CENPU: variants seen among roughly 807,000 people sequenced by gnomAD.
The protein encoded by CENPU is centromere protein U.
Under a neutral mutation model 56.7 loss-of-function variants are expected in CENPU, and 46 were observed. That is an observed-to-expected ratio of 0.81 (90% CI 0.64 to 1.04). The LOEUF (loss-of-function observed/expected upper bound fraction) is 1.04, where lower values mean the gene tolerates loss of function less well. Among genes scored for constraint, CENPU ranks in the 50% least tolerant of loss-of-function variants. CENPU has a pLI of 0.00. For missense variants in CENPU, 510 were observed against 490.1 expected (o/e 1.04, Z -0.38); for synonymous variants, 166 against 163.0 (o/e 1.02, Z -0.14).
Position 184,694,751 on chromosome 4 carries a change from A to T in CENPU, c.*537T>A. 1 of 1,612,294 alleles carries T rather than the reference A, an allele frequency of 6.2e-7. No homozygotes were observed. The highest frequency in any genetic ancestry group is 8.5e-7 in the Non-Finnish European group (1 of 1,178,330). On this transcript the variant is annotated 3_prime_UTR_variant, in exon 13 of 13. Coordinates refer to ENST00000281453, the MANE Select transcript of CENPU (RefSeq NM_024629.4). The stretch of plus-strand genomic sequence containing the variant: ...AGTGAAGTGGATGAAATTCCTGATG[A>T]ACTAATTATAGAAGTATTACAAGAG...
Position 184,713,006 on chromosome 4 carries a change from T to G in CENPU, c.626A>C (p.Gln209Pro), listed in dbSNP as rs781764327. Reference sequence around the variant, plus strand: ...GTCATGAGATATCTTCCCTTTTTTCTGAGTTTTCTACAAAAAAAAAAAGCA... The same window carrying G: ...GTCATGAGATATCTTCCCTTTTTTCGGAGTTTTCTACAAAAAAAAAAAGCA... ...NLAIESQSKT[Q>P]KKGKISHDKR... The change falls in exon 7 of 13, where the codon CAG (glutamine) becomes CCG (proline). Residue 209 changes from glutamine to proline, a missense_variant. By Grantham distance (76) the Gln-to-Pro change is moderately conservative. Transcript: ENST00000281453. 6.4e-7 allele frequency: 1 copy of G among 1,573,382 alleles called. No homozygotes were observed. The highest frequency in any genetic ancestry group is 1.4e-5 in the African/African-American group (1 of 71,644).
At chr4:184,732,710 G>C (rs1761692362) in intron 1 of CENPU, among the ~76,000 whole-genome samples, 1 of 152,114 alleles carries the variant, frequency 6.6e-6, no homozygotes, top group South Asian at 2.1e-4. Flanking sequence ...CAACCCACAG[G>C]TAAAATTTCT....
At chr4:184,733,326 CG>C in intron 1 of CENPU, 8 of 986,286 alleles carry the variant, frequency 8.1e-6, no homozygotes, top group Non-Finnish European at 9.6e-6. Flanking sequence ...TTCCCAGGCC[CG>C]GGGGAACTCC....
At chr4:184,699,082 CTTTG>C (rs1760439015) in intron 11 of CENPU, among the ~76,000 whole-genome samples, 1 of 152,024 alleles carries the variant, frequency 6.6e-6, no homozygotes, top group Non-Finnish European at 1.5e-5. Flanking sequence ...AATCCCAGCA[CTTTG>C]GGAGGCCAAG....
chr4:184,718,016 A>T (rs1166870552), intron 4 of CENPU, among the ~76,000 whole-genome samples: 2 of 152,200 alleles, frequency 1.3e-5, no homozygotes, highest in African/African-American at 4.8e-5. Flanking sequence ...AACGCTAGGG[A>T]AGAGTCAAAG....
At chr4:184,695,492 T>C in intron 12 of CENPU, 91 bp from the exon 13 acceptor site, 2 of 809,564 alleles carry the variant, frequency 2.5e-6, no homozygotes, top group East Asian at 2.6e-5. Context: ...CAAATTTTGA[T>C]TGAGCTTTCC....
At chr4:184,731,059 C>CAAAAAA in intron 1 of CENPU, 91 bp from the exon 2 acceptor site, 2 of 681,466 alleles carry the variant, frequency 2.9e-6, no homozygotes, top group Middle Eastern at 3.5e-4. Context: ...GCATTTTTAC[C>CAAAAAA]AAAAAAAAAA....
At chr4:184,696,069 A>T (rs1381009812) in intron 12 of CENPU, among the ~76,000 whole-genome samples, 3 of 152,246 alleles carry the variant, frequency 2.0e-5, no homozygotes, top group African/African-American at 7.2e-5. Flanking sequence ...GTGCATGATT[A>T]AATTCCTCTT....
intron 3 of CENPU, among the ~76,000 whole-genome samples, chr4:184,726,667 T>C (rs1286445709): frequency 1.3e-5 from 2 of 152,046 alleles, no homozygotes; most frequent in African/African-American, 4.8e-5. Context: ...AAACAGATAT[T>C]GATACACTCA....
At chr4:184,703,703 A>G (rs1760622829) in intron 8 of CENPU, among the ~76,000 whole-genome samples, 1 of 152,248 alleles carries the variant, frequency 6.6e-6, no homozygotes, top group African/African-American at 2.4e-5. Context: ...TTGAATATCA[A>G]TTGTACACCA....
intron 8 of CENPU, among the ~76,000 whole-genome samples, chr4:184,706,742 G>A (rs1409475594): frequency 6.6e-6 from 1 of 152,214 alleles, no homozygotes; most frequent in East Asian, 1.9e-4. Flanking sequence ...GAAACAAAAT[G>A]AGATCAGTGA....
intron 3 of CENPU, among the ~76,000 whole-genome samples, chr4:184,727,082 C>T (rs1761482337): frequency 6.9e-6 from 1 of 143,970 alleles, no homozygotes; most frequent in Non-Finnish European, 1.5e-5. Context: ...CGCCACTGCA[C>T]TTCAGCCTAG....
chr4:184,720,033 A>G (rs1009736083), intron 4 of CENPU, among the ~76,000 whole-genome samples: 1 of 152,206 alleles, frequency 6.6e-6, no homozygotes, highest in African/African-American at 2.4e-5. Flanking sequence ...AATGAACTAA[A>G]TAAGGCACCA....
At chr4:184,704,516 T>C (rs571829520) in intron 8 of CENPU, among the ~76,000 whole-genome samples, 1 of 150,136 alleles carries the variant, frequency 6.7e-6, no homozygotes, top group East Asian at 2.1e-4. Context: ...GTTAACACAA[T>C]GACAAAACTG....
chr4:184,713,140 C>T (rs1283697224), intron 6 of CENPU, 127 bp from the exon 7 acceptor site: 8 of 598,830 alleles, frequency 1.3e-5, no homozygotes, highest in Non-Finnish European at 2.3e-5. Flanking sequence ...CCTGTAATCC[C>T]AGCACTTTGG....
At position 184,694,911 on chromosome 4, in the gene CENPU, C is replaced by A; in HGVS notation, c.*377G>T. ...TTTGCTTTCCAATTTTTGTTTTTTA[C>A]TTCTGTAAACCAATTTCATTAAAAA... On this transcript the variant is annotated 3_prime_UTR_variant, in exon 13 of 13. Transcript: ENST00000281453. 3 of 720,436 alleles carry A rather than the reference C, an allele frequency of 4.2e-6. No individual in the cohort carries two copies. The highest frequency in any genetic ancestry group is 6.6e-6 in the Non-Finnish European group (3 of 453,686). The allele number at this position is 720,436 out of a possible 1,614,324, so 44.6% of individuals were successfully genotyped here.
rs1761123878 is a variant in CENPU at position 184,717,205 on chromosome 4, A to C, written c.321-9T>G. ...TTCCAGAAGTGTCTGAACTGTAAAA[A>C]GTACAAGCCATCAATATCTTGTACA... On this transcript the variant is annotated splice_polypyrimidine_tract_variant and intron_variant, in intron 4 of 12. Transcript: ENST00000281453. 6.2e-7 allele frequency: 1 copy of C among 1,607,362 alleles called. No individual in the cohort carries two copies. Among genetic ancestry groups the C allele is most frequent in the Non-Finnish European group, 8.5e-7 (1 of 1,176,412 alleles).
In CENPU at chr4:184,716,533, C is replaced by G; in HGVS notation, c.482G>C (p.Arg161Pro). Residue 161 changes from arginine to proline, a missense_variant, in exon 6 of 13, where the codon CGT becomes CCT. Transcript: ENST00000281453. The part of the protein sequence containing the change: ...VKSAEKISTQ[R>P]HEVIRTTASS... ...CGCTGTGGTTCGAATAACCTCATGA[C>G]GTTGTGTACTTATTTTCTCTGCTGA... is the stretch of plus-strand genomic sequence containing the variant. The G allele has an allele frequency of 2.5e-6, 4 of 1,614,156 alleles. No individual in the cohort carries two copies. Among genetic ancestry groups the G allele is most frequent in the Non-Finnish European group, 3.4e-6 (4 of 1,180,002 alleles).
chr4:184,694,792 G>C lies in CENPU; in HGVS notation c.*496C>G. On this transcript the variant is annotated 3_prime_UTR_variant, in exon 13 of 13. Transcript: ENST00000281453. The stretch of plus-strand genomic sequence containing the variant: ...ATTACAAGAGTAACTAATTCACTAT[G>C]AACACTTTTGTCACCAGGCTATAAT... 6.3e-7 allele frequency: 1 copy of C among 1,592,872 alleles called. No homozygotes were observed. The highest frequency in any genetic ancestry group is 1.3e-5 in the African/African-American group (1 of 74,582).
Sources: allele counts gnomAD v4.1 joint callset (sites outside exome capture counted in the v4.1 genomes callset), GRCh38; gene constraint gnomAD v4.1.1; transcripts MANE v1.5; gene names NCBI Gene and HGNC (gene_info 2026-07-23, HGNC 2026-07-21).